The following PSD2 variants were observed in gnomAD, a reference collection of about 807,000 sequenced individuals.
PSD2 encodes the protein pleckstrin and Sec7 domain containing 2.
PSD2 carries 38 observed loss-of-function variants against 69.8 expected under a neutral mutation model. The ratio of observed to expected loss-of-function variants is 0.54; its 90% CI spans 0.42 to 0.71. The LOEUF (loss-of-function observed/expected upper bound fraction) is 0.71. Ranked by LOEUF, PSD2 falls within the 30% of genes least tolerant of loss-of-function variation. The probability of loss-of-function intolerance (pLI) is 0.00; values close to 1 mark genes in which losing one functional copy is unlikely to be tolerated. For synonymous variants in PSD2, 412 were observed against 423.0 expected, an observed-to-expected ratio of 0.97 and a Z score of 0.32; for missense variants, 943 against 1,014.5, an observed-to-expected ratio of 0.93 and a Z score of 0.96.
chr5:139,840,314 C>A, intron 14 of PSD2, 144 bp downstream of exon 14: 2 of 869,708 alleles, frequency 2.3e-6, no homozygotes, highest in Non-Finnish European at 1.7e-6. Flanking sequence ...GGTCCCCTGA[C>A]CTTTAGTCCC....
In PSD2 at chr5:139,842,780, C is replaced by T; in HGVS notation, c.*306C>T. On this transcript the variant is annotated 3_prime_UTR_variant, in exon 15 of 15. Coordinates refer to ENST00000274710, the MANE Select transcript of PSD2 (RefSeq NM_032289.4). ...CACCTCGCTGGAGAAGCTGGAAGGG[C>T]TGTTGTCTTCCCAGGTCTTTCTCTT... is the stretch of plus-strand genomic sequence containing the variant. The T allele has an allele frequency of 3.2e-6, 1 of 307,866 alleles. No homozygotes were observed. The highest frequency in any genetic ancestry group is 6.1e-6 in the Non-Finnish European group (1 of 165,266). The allele number at this position is 307,866 out of a possible 1,614,324, so 19.1% of individuals were successfully genotyped here. A position where few individuals can be genotyped will look rare whatever the true frequency, so the allele number is the denominator to read the frequency against.
upstream of PSD2, among the ~76,000 whole-genome samples, chr5:139,793,878 G>A (rs968100184): frequency 2.0e-5 from 3 of 152,180 alleles, no homozygotes; most frequent in Non-Finnish European, 4.4e-5. Flanking sequence ...TCCTCATTGG[G>A]CAGATGAGGA....
At chr5:139,840,481 C>T (rs1197978987) in intron 14 of PSD2, among the ~76,000 whole-genome samples, 8 of 152,160 alleles carry the variant, frequency 5.3e-5, no homozygotes, top group Admixed American at 1.3e-4. Flanking sequence ...ATGCCCTCAC[C>T]AGCACTGGGC....
chr5:139,806,654 A>G (rs1195099378), intron 1 of PSD2, among the ~76,000 whole-genome samples: 1 of 152,036 alleles, frequency 6.6e-6, no homozygotes, highest in African/African-American at 2.4e-5. Context: ...TGATGCTCCC[A>G]CTCTGTAGAT....
In PSD2 at chr5:139,838,752, T is replaced by C. The variant is rs1275378416; in HGVS notation, c.1948T>C (p.Cys650Arg). The C allele has an allele frequency of 6.2e-7, 1 of 1,612,806 alleles. No homozygotes were observed. The highest frequency in any genetic ancestry group is 8.5e-7 in the Non-Finnish European group (1 of 1,179,402). ...GTTCTGTCGGCCCCTGCTGCCCTCC[T>C]GCACCACCCGCCTCTGCCAGGTACA... Reference protein sequence around the residue: ...KKFCRPLLPSCTTRLCQEEQL... With the variant: ...KKFCRPLLPSRTTRLCQEEQL... Residue 650 changes from cysteine (C) to arginine (R), a missense_variant, in exon 13 of 15, where the codon TGC (cysteine) becomes CGC (arginine). Coordinates refer to ENST00000274710, the MANE Select transcript of PSD2 (RefSeq NM_032289.4).
intron 4 of PSD2, among the ~76,000 whole-genome samples, chr5:139,816,586 G>A (rs752568157): frequency 5.3e-5 from 8 of 152,226 alleles, no homozygotes; most frequent in South Asian, 2.1e-4. Flanking sequence ...AATGGGCAGC[G>A]AGCTCCAGGC....
intron 9 of PSD2, among the ~76,000 whole-genome samples, chr5:139,836,235 A>C (rs1760714634): frequency 6.6e-6 from 1 of 152,230 alleles, no homozygotes. Flanking sequence ...TCATCAGGAA[A>C]GAGGGGTGTT....
chr5:139,757,320 A>G, the PSD2 span, among the ~76,000 whole-genome samples: 1 of 152,162 alleles, frequency 6.6e-6, no homozygotes, highest in Non-Finnish European at 1.5e-5. Context: ...ACCTGCCACC[A>G]CCACCCCAAC....
At chr5:139,820,812 T>G (rs1402737610) in intron 5 of PSD2, among the ~76,000 whole-genome samples, 1 of 152,238 alleles carries the variant, frequency 6.6e-6, no homozygotes, top group Non-Finnish European at 1.5e-5. Context: ...AAATGCCTGT[T>G]CTGTCCAAGG....
intron 7 of PSD2, 124 bp from the exon 8 acceptor site, chr5:139,833,578 C>A (rs573373675): frequency 4.2e-6 from 3 of 714,246 alleles, no homozygotes; most frequent in South Asian, 1.5e-5. Context: ...AGAAAATTCA[C>A]GCAATTTAAT....
chr5:139,788,283 C>T, the PSD2 span, among the ~76,000 whole-genome samples: 1 of 151,890 alleles, frequency 6.6e-6, no homozygotes, highest in Non-Finnish European at 1.5e-5. Context: ...CAGGACTCGA[C>T]ATGTCCCGTG....
At chr5:139,803,411 C>T (rs1386458705) in intron 1 of PSD2, among the ~76,000 whole-genome samples, 1 of 152,176 alleles carries the variant, frequency 6.6e-6, no homozygotes, top group East Asian at 1.9e-4. Flanking sequence ...TCCTTGCAGC[C>T]CCCAGAAGGT....
chr5:139,797,822 C>T (rs1759568327), intron 1 of PSD2, among the ~76,000 whole-genome samples: 1 of 152,234 alleles, frequency 6.6e-6, no homozygotes, highest in Admixed American at 6.5e-5. Flanking sequence ...CCAGAACTGT[C>T]TGATACTCAG....
intron 7 of PSD2, among the ~76,000 whole-genome samples, chr5:139,825,047 G>A (rs1014622721): frequency 1.3e-5 from 2 of 152,204 alleles, no homozygotes; most frequent in African/African-American, 2.4e-5. Context: ...GACCCTTGAG[G>A]TTGGAGGCTC....
intron 5 of PSD2, among the ~76,000 whole-genome samples, chr5:139,820,983 A>G (rs1016115050): frequency 6.6e-6 from 1 of 150,730 alleles, no homozygotes; most frequent in African/African-American, 2.5e-5. Flanking sequence ...CCCAGGCTGG[A>G]GTGCAATGGT....
At chr5:139,836,601 G>A (rs1002279616) in intron 9 of PSD2, among the ~76,000 whole-genome samples, 2 of 152,120 alleles carry the variant, frequency 1.3e-5, no homozygotes, top group African/African-American at 2.4e-5. Flanking sequence ...AAGATCAGAG[G>A]TCAGAGGTCA....
chr5:139,762,790 A>G, the PSD2 span, among the ~76,000 whole-genome samples: 1 of 151,800 alleles, frequency 6.6e-6, no homozygotes, highest in East Asian at 1.9e-4. Context: ...TGCCAGGGGG[A>G]TGGCAGGACA....
chr5:139,775,009 C>T, the PSD2 span, among the ~76,000 whole-genome samples: 1 of 152,086 alleles, frequency 6.6e-6, no homozygotes, highest in African/African-American at 2.4e-5. Context: ...CCGTACTGTG[C>T]CGCCGCCCTC....
the PSD2 span, among the ~76,000 whole-genome samples, chr5:139,788,149 A>T: frequency 6.6e-6 from 1 of 151,788 alleles, no homozygotes; most frequent in Non-Finnish European, 1.5e-5. Context: ...TCTGGCCAGC[A>T]GAGGGAGGCG....
Sources: allele counts gnomAD v4.1 joint callset (sites outside exome capture counted in the v4.1 genomes callset), GRCh38; gene constraint gnomAD v4.1.1; transcripts MANE v1.5; gene names NCBI Gene and HGNC (gene_info 2026-07-23, HGNC 2026-07-21).